The following ASIC3 variants were observed in gnomAD, a reference collection of about 807,000 sequenced individuals.
ASIC3 encodes the protein acid sensing ion channel subunit 3.
A neutral mutation model predicts 58.6 loss-of-function variants in ASIC3; 46 were observed. The observed-to-expected ratio is 0.79, with a 90% CI of 0.62 to 1.00. The LOEUF (loss-of-function observed/expected upper bound fraction) is 1.00, where lower values mean the gene tolerates loss of function less well. Ranked by LOEUF, ASIC3 falls within the 50% of genes least tolerant of loss-of-function variation. The pLI, the probability that ASIC3 is intolerant of heterozygous loss-of-function variation, is 0.00. For synonymous variants in ASIC3, 336 were observed against 300.2 expected (o/e 1.12, Z -1.23); for missense variants, 770 against 735.0 (o/e 1.05, Z -0.55).
At chr7:151,051,753 C>T (rs1796786218) in intron 6 of ASIC3, 57 bp from the exon 7 acceptor site, 1 of 1,562,360 alleles carries the variant, frequency 6.4e-7, no homozygotes, top group South Asian at 1.1e-5. Flanking sequence ...CTGCTTCTTG[C>T]CAGCAGTGGG....
At chr7:151,051,572 C>T (rs1261643625) in intron 6 of ASIC3, among the ~76,000 whole-genome samples, 2 of 13,048 alleles carry the variant, frequency 1.5e-4, no homozygotes, top group East Asian at 1.5e-3. Context: ...ACAGAGACGG[C>T]GGGGGGCGGG....
In ASIC3 at chr7:151,051,231, G is replaced by T. The variant is rs1347525149; in HGVS notation, c.1126G>T (p.Ala376Ser). Residue 376 changes from alanine (A) to serine (S), a missense_variant, in exon 6 of 11, where the codon GCC becomes TCC. Transcript: ENST00000349064. ...CAACCCGTGCGCCAGCACGCGCTAC[G>T]CCAAGGAGCTCTCCATGGTGCGGAT... ...CPNPCASTRY[A>S]KELSMVRIPS... 6.4e-7 allele frequency: 1 copy of T among 1,573,702 alleles called. No individual in the cohort carries two copies.
In ASIC3 at chr7:151,051,816, C is replaced by T. The variant is rs767611755; in HGVS notation, c.1221C>T (p.Asn407=). The change falls in exon 7 of 11, where the codon AAC becomes AAT. Residue 407 remains asparagine, a synonymous_variant. Coordinates refer to ENST00000349064, the MANE Select transcript of ASIC3 (RefSeq NM_004769.4). ...AGGCCATTCTTGTCCTCAGGGAGAA[C>T]GTGCTGGCCCTGGACATCTTCTTTG... ...LNRSEAYIAE[N]VLALDIFFEA... 12 of 1,613,330 alleles carry T rather than the reference C, an allele frequency of 7.4e-6. No individual in the cohort carries two copies. Among genetic ancestry groups the T allele is most frequent in the East Asian group, 6.7e-5 (3 of 44,864 alleles).
chr7:151,052,286 C>T lies in ASIC3; in HGVS notation c.1458+49C>T, dbSNP rs768630829. ...CTTGCCTGCTCCAAGGGTGCTAGGG[C>T]CCACCCCTGAAGCCTAGACCACCAT... On this transcript the variant is annotated intron_variant, in intron 9 of 10. Coordinates refer to ENST00000349064, the MANE Select transcript of ASIC3 (RefSeq NM_004769.4). This position sits in a 1 kb window ranked among gnomAD's most constrained non-coding sequence, Gnocchi z 5.0. 2 of 1,613,424 alleles carry T rather than the reference C, an allele frequency of 1.2e-6. No homozygotes were observed. Among genetic ancestry groups the T allele is most frequent in the African/African-American group, 1.3e-5 (1 of 74,998 alleles).
In ASIC3 at chr7:151,051,265, G is replaced by A; in HGVS notation, c.1160G>A (p.Arg387His). Residue 387 changes from arginine to histidine, a missense_variant, in exon 6 of 11, where the codon CGC becomes CAC. Coordinates refer to ENST00000349064, the MANE Select transcript of ASIC3 (RefSeq NM_004769.4). ...KELSMVRIPS[R>H]AAARFLARKL... ...CTCTCCATGGTGCGGATCCCGAGCC[G>A]CGCCGCCGCGCGCTTCCTGGCCCGG... The A allele has an allele frequency of 2.0e-6, 3 of 1,530,580 alleles. No homozygotes were observed. Among genetic ancestry groups the A allele is most frequent in the Middle Eastern group, 2.0e-4 (1 of 5,018 alleles). The allele number at this position is 1,530,580 out of a possible 1,614,324, so 94.8% of individuals were successfully genotyped here.
rs1356355121 is a variant in ASIC3, at chr7:151,049,166, T to A, written c.281T>A (p.Ile94Asn). The A allele has an allele frequency of 6.2e-7, 1 of 1,613,744 alleles. No individual in the cohort carries two copies. Among genetic ancestry groups the A allele is most frequent in the South Asian group, 1.1e-5 (1 of 91,086 alleles). ...TTCCCGGCTGTCACCCTGTGCAACATCAACCCACTGCGCCGCTCGCGCCTA... is the reference window on the plus strand; with the variant it reads ...TTCCCGGCTGTCACCCTGTGCAACAACAACCCACTGCGCCGCTCGCGCCTA... ...LIFPAVTLCN[I>N]NPLRRSRLTP... The change falls in exon 1 of 11, where the codon ATC becomes AAC. Residue 94 changes from isoleucine to asparagine, a missense_variant. By Grantham distance (149) the Ile-to-Asn change is moderately radical. Transcript: ENST00000349064.
At position 151,052,341 on chromosome 7, in the gene ASIC3, A is replaced by C; in HGVS notation, c.1459-75A>C. The stretch of plus-strand genomic sequence containing the variant: ...CCCCAGCTGAGGAGAAACAGGCAGG[A>C]GGGTGTGCAGTGACCTCGACTGGTC... On this transcript the variant is annotated intron_variant, in intron 9 of 10. Coordinates refer to ENST00000349064, the MANE Select transcript of ASIC3 (RefSeq NM_004769.4). The surrounding 1 kb of genome is among the most constrained non-coding windows in gnomAD (Gnocchi z 5.0). 1.2e-6 allele frequency: 2 copies of C among 1,612,536 alleles called. No individual in the cohort carries two copies. Among genetic ancestry groups the C allele is most frequent in the Non-Finnish European group, 1.7e-6 (2 of 1,179,306 alleles).
At chr7:151,050,032 A>G (rs1450540182) in intron 1 of ASIC3, 74 bp from the exon 2 acceptor site, 11 of 1,594,944 alleles carry the variant, frequency 6.9e-6, no homozygotes, top group African/African-American at 1.3e-5. Context: ...CAAACATACC[A>G]TGAGGTGGGG....
chr7:151,051,314 C>T lies in ASIC3; in HGVS notation c.1209C>T (p.Tyr403=). ...LARKLNRSEA[Y]IAENVLALDI... ...GGAAGCTCAACCGCAGCGAGGCCTA[C>T]ATCGCGTGAGCTGCGCGGGGCGGGC... The change falls in exon 6 of 11, where the codon TAC becomes TAT. Residue 403 remains tyrosine (Y), a synonymous_variant. Coordinates refer to ENST00000349064, the MANE Select transcript of ASIC3 (RefSeq NM_004769.4). 3 of 1,508,866 alleles carry T rather than the reference C, an allele frequency of 2.0e-6. No individual in the cohort carries two copies. Among genetic ancestry groups the T allele is most frequent in the Non-Finnish European group, 2.6e-6 (3 of 1,138,292 alleles). The allele number at this position is 1,508,866 out of a possible 1,614,324, so 93.5% of individuals were successfully genotyped here.
At position 151,052,239 on chromosome 7, in the gene ASIC3, T is replaced by G; in HGVS notation, c.1458+2T>G. 1 of 1,613,982 alleles carries G rather than the reference T, an allele frequency of 6.2e-7. No individual in the cohort carries two copies. The highest frequency in any genetic ancestry group is 1.7e-5 in the Admixed American group (1 of 60,012). ...CAAAGGCACTCCAGCACCAATCTGGTAACAGCCCCTCTTCTGGAGCCCTTG... is the reference window on the plus strand; with the variant it reads ...CAAAGGCACTCCAGCACCAATCTGGGAACAGCCCCTCTTCTGGAGCCCTTG... On this transcript the variant is annotated splice_donor_variant, in intron 9 of 10. Transcript: ENST00000349064. LOFTEE classifies it high-confidence loss of function. This position sits in a 1 kb window ranked among gnomAD's most constrained non-coding sequence, Gnocchi z 5.0.
rs1796731951 is a variant in ASIC3, at chr7:151,050,121, G to C, written c.550G>C (p.Gly184Arg). The C allele has an allele frequency of 6.2e-7, 1 of 1,614,074 alleles. No individual in the cohort carries two copies. The highest frequency in any genetic ancestry group is 1.7e-5 in the Admixed American group (1 of 60,008). ...CCCGCCCCAGATCTTCACCCGGATG[G>C]GAAAGTGCTACACATTTAACTCTGG... Reference protein sequence around the residue: ...ENFTTIFTRMGKCYTFNSGAD... With the variant: ...ENFTTIFTRMRKCYTFNSGAD... Residue 184 changes from glycine (G) to arginine (R), a missense_variant, in exon 2 of 11, where the codon GGA (glycine) becomes CGA (arginine). By Grantham distance (125) the Gly-to-Arg change is moderately radical. Transcript: ENST00000349064.
rs371256322 is a variant in ASIC3 at position 151,051,771 on chromosome 7, C to G, written c.1215-39C>G. ...CTTCTTGCCAGCAGTGGGCACCAGG[C>G]GGTGGCCAGCCCACATTTGAGGCCA... is the stretch of plus-strand genomic sequence containing the variant. On this transcript the variant is annotated intron_variant, in intron 6 of 10. Transcript: ENST00000349064. The G allele has an allele frequency of 2.8e-5, 44 of 1,598,674 alleles. 1 individual carries two copies. The South Asian group carries it at 4.6e-4, about 17-fold the overall frequency.
Position 151,048,626 on chromosome 7 carries a change from G to C in ASIC3, c.-260G>C. On this transcript the variant is annotated 5_prime_UTR_variant, in exon 1 of 11. Transcript: ENST00000349064. The stretch of plus-strand genomic sequence containing the variant: ...TACGTCCCACCTGGTCTGCTGCGGA[G>C]TCCCCAGCCCAGTGCCTAGCCCAGT... The C allele has an allele frequency of 2.1e-6, 1 of 472,996 alleles. No homozygotes were observed. The highest frequency in any genetic ancestry group is 3.7e-6 in the Non-Finnish European group (1 of 269,150). The allele number at this position is 472,996 out of a possible 1,614,324, so 29.3% of individuals were successfully genotyped here.
In ASIC3 at chr7:151,048,915, C is replaced by A; in HGVS notation, c.30C>A (p.Ala10=). 6.4e-7 allele frequency: 1 copy of A among 1,560,428 alleles called. No individual in the cohort carries two copies. Among genetic ancestry groups the A allele is most frequent in the Admixed American group, 1.8e-5 (1 of 56,748 alleles). The part of the protein sequence containing the change: MKPTSGPEE[A]RRPASDIRVF... ...AGCCCACCTCAGGCCCAGAGGAGGCCCGGCGGCCAGCCTCGGACATCCGCG... is the reference window on the plus strand; with the variant it reads ...AGCCCACCTCAGGCCCAGAGGAGGCACGGCGGCCAGCCTCGGACATCCGCG... The change falls in exon 1 of 11, where the codon GCC becomes GCA. Residue 10 remains alanine, a synonymous_variant. Coordinates refer to ENST00000349064, the MANE Select transcript of ASIC3 (RefSeq NM_004769.4).
chr7:151,052,329 G>A lies in ASIC3; in HGVS notation c.1459-87G>A. 1 of 1,612,474 alleles carries A rather than the reference G, an allele frequency of 6.2e-7. No individual in the cohort carries two copies. The highest frequency in any genetic ancestry group is 1.3e-5 in the African/African-American group (1 of 75,004). On this transcript the variant is annotated intron_variant, in intron 9 of 10. Transcript: ENST00000349064. This position sits in a 1 kb window ranked among gnomAD's most constrained non-coding sequence, Gnocchi z 5.0. The stretch of plus-strand genomic sequence containing the variant: ...ACCACCATCCCGCCCCAGCTGAGGA[G>A]AAACAGGCAGGAGGGTGTGCAGTGA...
intron 2 of ASIC3, 109 bp from the exon 3 acceptor site, chr7:151,050,371 TG>T: frequency 6.4e-7 from 1 of 1,566,468 alleles, no homozygotes. Context: ...TGAAAGGGGC[TG>T]GGCTGGCTCA....
Position 151,048,582 on chromosome 7 carries a change from C to G in ASIC3, c.-304C>G, listed in dbSNP as rs1468687319. ...GCCGGCTCAGCACCGCTCCGCAGCCCCTGCCTGCCACGGTCAGCTACGTCC... is the reference window on the plus strand; with the variant it reads ...GCCGGCTCAGCACCGCTCCGCAGCCGCTGCCTGCCACGGTCAGCTACGTCC... On this transcript the variant is annotated 5_prime_UTR_variant, in exon 1 of 11. Coordinates refer to ENST00000349064, the MANE Select transcript of ASIC3 (RefSeq NM_004769.4). 3 of 406,804 alleles carry G rather than the reference C, an allele frequency of 7.4e-6. No individual in the cohort carries two copies. Among genetic ancestry groups the G allele is most frequent in the Non-Finnish European group, 1.3e-5 (3 of 228,620 alleles). 25.2% of individuals were successfully genotyped at this position (406,804 alleles called of 1,614,324 possible).
rs1584965408 is a variant in ASIC3 at position 151,048,974 on chromosome 7, G to T, written c.89G>T (p.Gly30Val). 1.9e-6 allele frequency: 3 copies of T among 1,607,318 alleles called. No homozygotes were observed. The highest frequency in any genetic ancestry group is 2.6e-6 in the Non-Finnish European group (3 of 1,175,386). The change falls in exon 1 of 11, where the codon GGC (glycine) becomes GTC (valine). Residue 30 changes from glycine to valine, a missense_variant. By Grantham distance (109) the Gly-to-Val change is moderately radical. Transcript: ENST00000349064. ...AGCAACTGCTCGATGCACGGGCTGG[G>T]CCACGTCTTCGGGCCAGGCAGCCTG... ...FASNCSMHGL[G>V]HVFGPGSLSL...
chr7:151,048,872 C>T lies in ASIC3; in HGVS notation c.-14C>T, dbSNP rs1478700997. 5.9e-6 allele frequency: 9 copies of T among 1,535,640 alleles called. No homozygotes were observed. The Admixed American group carries it at 6.0e-5, about 10-fold the overall frequency. ...CCAAGCCTCTGTAGCTGGTTCCGCT[C>T]CTGGGTTCTGGCCATGAAGCCCACC... On this transcript the variant is annotated 5_prime_UTR_variant, in exon 1 of 11. Coordinates refer to ENST00000349064, the MANE Select transcript of ASIC3 (RefSeq NM_004769.4).
Sources: allele counts gnomAD v4.1 joint callset (sites outside exome capture counted in the v4.1 genomes callset), GRCh38; gene constraint gnomAD v4.1.1; non-coding constraint Gnocchi (gnomAD v3.1); transcripts MANE v1.5; gene names NCBI Gene and HGNC (gene_info 2026-07-23, HGNC 2026-07-21).